The following ZNF799 variants were observed in gnomAD, a reference collection of about 807,000 sequenced individuals.
The protein encoded by ZNF799 is zinc finger protein 799, also known as zinc finger protein 14.
Under a neutral mutation model 41.0 loss-of-function variants are expected in ZNF799, and 28 were observed. The ratio of observed to expected loss-of-function variants is 0.68; its 90% CI spans 0.51 to 0.94. The LOEUF (loss-of-function observed/expected upper bound fraction) is 0.94. Among genes scored for constraint, ZNF799 ranks in the 40% least tolerant of loss-of-function variants. ZNF799 has a pLI of 0.00. For synonymous variants in ZNF799, 213 were observed against 252.9 expected, an observed-to-expected ratio of 0.84 and a Z score of 1.50; for missense variants, 716 against 764.3, an observed-to-expected ratio of 0.94 and a Z score of 0.74.
At position 12,401,085 on chromosome 19, in the gene ZNF799, G is replaced by C. The variant is rs770869427; in HGVS notation, c.-15C>G. Reference sequence around the variant, plus strand: ...ACACGCACCATTTCCCGACTTCCGCGGTGTCCCAGGTCCTCCGGACGGCTC... The same window carrying C: ...ACACGCACCATTTCCCGACTTCCGCCGTGTCCCAGGTCCTCCGGACGGCTC... On this transcript the variant is annotated 5_prime_UTR_variant, in exon 1 of 4. Transcript: ENST00000430385. The C allele has an allele frequency of 6.2e-7, 1 of 1,613,852 alleles. No individual in the cohort carries two copies. Among genetic ancestry groups the C allele is most frequent in the South Asian group, 1.1e-5 (1 of 91,070 alleles).
At chr19:12,410,881 C>T in the ZNF799 span, among the ~76,000 whole-genome samples, 3 of 152,128 alleles carry the variant, frequency 2.0e-5, no homozygotes, top group African/African-American at 7.2e-5. Context: ...AAATTAGACC[C>T]ATGTAATACG....
At chr19:12,407,773 A>G in the ZNF799 span, among the ~76,000 whole-genome samples, 1 of 152,180 alleles carries the variant, frequency 6.6e-6, no homozygotes, top group South Asian at 2.1e-4. Flanking sequence ...TACAGGCACT[A>G]TACCAGAAGC....
chr19:12,414,340 C>T, the ZNF799 span, among the ~76,000 whole-genome samples: 1 of 152,134 alleles, frequency 6.6e-6, no homozygotes, highest in Non-Finnish European at 1.5e-5. Context: ...GACCTTATCC[C>T]GCCCCTGGGG....
At chr19:12,395,060 T>G (rs892528502) in intron 1 of ZNF799, 1 of 164,196 alleles carries the variant, frequency 6.1e-6, no homozygotes, top group African/African-American at 2.4e-5. Flanking sequence ...AGAGACAGCA[T>G]ATCAGATCTT....
At chr19:12,394,568 T>A in intron 1 of ZNF799, 1 of 985,190 alleles carries the variant, frequency 1.0e-6, no homozygotes, top group Non-Finnish European at 1.2e-6. Context: ...TTCCTTTAGA[T>A]CAAATGTACT....
chr19:12,398,606 G>C (rs1219501347), intron 1 of ZNF799, among the ~76,000 whole-genome samples: 2 of 152,266 alleles, frequency 1.3e-5, no homozygotes, highest in African/African-American at 4.8e-5. Flanking sequence ...GGAAAGTCCT[G>C]TCCCACAGAA....
At chr19:12,396,231 G>A in intron 1 of ZNF799, among the ~76,000 whole-genome samples, 1 of 102,688 alleles carries the variant, frequency 9.7e-6, no homozygotes. Context: ...CTCAGACACT[G>A]CACTCACTGA....
intron 1 of ZNF799, chr19:12,398,020 G>A (rs1969924170): frequency 6.6e-6 from 1 of 152,220 alleles, no homozygotes; most frequent in South Asian, 2.1e-4. Context: ...GGAGGCCAAA[G>A]CTGGTGGATT....
intron 1 of ZNF799, among the ~76,000 whole-genome samples, chr19:12,397,510 A>G (rs1188672088): frequency 4.0e-5 from 6 of 150,990 alleles, no homozygotes; most frequent in Non-Finnish European, 7.4e-5. Context: ...GGTTATAGTT[A>G]ACTATGATTG....
chr19:12,412,716 C>T, the ZNF799 span, among the ~76,000 whole-genome samples: 2 of 151,968 alleles, frequency 1.3e-5, no homozygotes, highest in Non-Finnish European at 2.9e-5. Flanking sequence ...GTCTTCTGAT[C>T]CACGGCCCAC....
At chr19:12,401,928 ATTAT>A (rs1348622906), upstream of ZNF799, among the ~76,000 whole-genome samples, 1 of 152,142 alleles carries the variant, frequency 6.6e-6, no homozygotes, top group African/African-American at 2.4e-5. Context: ...GTACAATTAA[ATTAT>A]TTTTTACTAT....
chr19:12,412,508 C>T, the ZNF799 span, among the ~76,000 whole-genome samples: 27 of 150,000 alleles, frequency 1.8e-4, no homozygotes, highest in Non-Finnish European at 3.0e-4. Context: ...GTCTTGGCTG[C>T]GGCTGTCTTG....
At position 12,391,862 on chromosome 19, in the gene ZNF799, C is replaced by A; in HGVS notation, c.536G>T (p.Ser179Ile). The A allele has an allele frequency of 6.2e-7, 1 of 1,614,218 alleles. No homozygotes were observed. The highest frequency in any genetic ancestry group is 8.5e-7 in the Non-Finnish European group (1 of 1,180,020). Residue 179 changes from serine (S) to isoleucine (I), a missense_variant, in exon 4 of 4, where the codon AGT becomes ATT. Physicochemically the swap from Ser to Ile is moderately radical, Grantham distance 142 (BLOSUM62 -2). Transcript: ENST00000430385. Reference protein sequence around the residue: ...YNCKECGKSFSSLGNLQRHMA... With the variant: ...YNCKECGKSFISLGNLQRHMA... ...GTGTCTTTGAAGGTTTCCCAAAGAA[C>A]TGAAGGACTTCCCACATTCTTTACA...
At chr19:12,414,057 G>A in the ZNF799 span, among the ~76,000 whole-genome samples, 5 of 152,170 alleles carry the variant, frequency 3.3e-5, no homozygotes, top group South Asian at 6.2e-4. Context: ...CTTTCAGGGC[G>A]TCTCTTAGCA....
chr19:12,401,569 C>CGAGAGAGAGAGAGAGA (rs142456121), upstream of ZNF799, among the ~76,000 whole-genome samples: 11 of 78,458 alleles, frequency 1.4e-4, no homozygotes, highest in Admixed American at 6.0e-4. Flanking sequence ...TTTTTTTTTC[C>CGAGAGAGAGAGAGAGA]GAGAGAGAGA....
chr19:12,408,902 G>A, the ZNF799 span, among the ~76,000 whole-genome samples: 1 of 152,058 alleles, frequency 6.6e-6, no homozygotes, highest in African/African-American at 2.4e-5. Context: ...GGGCGTGGTG[G>A]CAGGTACCTG....
chr19:12,392,528 T>A (rs2144889949), intron 3 of ZNF799, 75 bp downstream of exon 3: 1 of 1,376,344 alleles, frequency 7.3e-7, no homozygotes, highest in Non-Finnish European at 1.0e-6. Flanking sequence ...TCATTTTCTT[T>A]GCTTGTTTTT....
chr19:12,397,091 T>A (rs1969906512), intron 1 of ZNF799, among the ~76,000 whole-genome samples: 1 of 152,216 alleles, frequency 6.6e-6, no homozygotes, highest in Non-Finnish European at 1.5e-5. Flanking sequence ...GGTTATAGTT[T>A]ATAATAGGGC....
At chr19:12,406,401 G>A in the ZNF799 span, among the ~76,000 whole-genome samples, 1 of 150,530 alleles carries the variant, frequency 6.6e-6, no homozygotes, top group Non-Finnish European at 1.5e-5. Flanking sequence ...GGAGAATGGC[G>A]TGAACCTGGG....
Sources: allele counts gnomAD v4.1 joint callset (sites outside exome capture counted in the v4.1 genomes callset), GRCh38; gene constraint gnomAD v4.1.1; transcripts MANE v1.5; gene names NCBI Gene and HGNC (gene_info 2026-07-23, HGNC 2026-07-21).